Variants in GASK1B observed in about 807,000 individuals in gnomAD.
GASK1B encodes the protein Golgi-associated kinase 1B.
Under a neutral mutation model 42.8 loss-of-function variants are expected in GASK1B, and 34 were observed. The observed-to-expected ratio is 0.79, with a 90% CI of 0.60 to 1.06. The LOEUF (loss-of-function observed/expected upper bound fraction) is 1.06. GASK1B is among the 50% of genes least tolerant of loss of function. The pLI is 0.00. For synonymous variants in GASK1B, 262 were observed against 259.1 expected (o/e 1.01, Z -0.11); for missense variants, 686 against 661.0 (o/e 1.04, Z -0.42).
intron 3 of GASK1B, among the ~76,000 whole-genome samples, chr4:158,139,486 G>T (rs760916581): frequency 6.6e-6 from 1 of 152,072 alleles, no homozygotes; most frequent in Non-Finnish European, 1.5e-5. Context: ...TACCTTTGAA[G>T]TTACTAGATC....
intron 3 of GASK1B, 129 bp downstream of exon 3, chr4:158,155,482 T>C: frequency 2.5e-6 from 2 of 806,324 alleles, no homozygotes; most frequent in South Asian, 1.8e-5. Context: ...CACAATTACT[T>C]TTGCACCAAG....
At position 158,170,815 on chromosome 4, in the gene GASK1B, T is replaced by G. The variant is rs1440521474; in HGVS notation, c.561A>C (p.Gly187=). The change falls in exon 2 of 5, where the codon GGA becomes GGC. Residue 187 remains glycine, a synonymous_variant. Coordinates refer to ENST00000585682, the MANE Select transcript of GASK1B (RefSeq NM_001128424.2). ...GGAAGTCTGGGCCCCCGGCTCGCAC[T>G]CCCGGACCCCGCACCAACCTCCAGG... ...ERPWRLVRGP[G]VRAGGPDFLQ... 1 of 1,614,136 alleles carries G rather than the reference T, an allele frequency of 6.2e-7. No homozygotes were observed. The highest frequency in any genetic ancestry group is 1.3e-5 in the African/African-American group (1 of 75,052).
intron 3 of GASK1B, among the ~76,000 whole-genome samples, chr4:158,141,607 T>A (rs1731122269): frequency 8.0e-6 from 1 of 125,122 alleles, no homozygotes; most frequent in Admixed American, 7.9e-5. Context: ...CTTTTTTTTT[T>A]TTTTTTTTTT....
In GASK1B at chr4:158,170,659, G is replaced by A; in HGVS notation, c.717C>T (p.Ser239=). 1.2e-6 allele frequency: 2 copies of A among 1,614,050 alleles called. No homozygotes were observed. The highest frequency in any genetic ancestry group is 1.7e-6 in the Non-Finnish European group (2 of 1,180,040). Residue 239 remains serine (S), a synonymous_variant, in exon 2 of 5, where the codon TCC becomes TCT. Transcript: ENST00000585682. The stretch of plus-strand genomic sequence containing the variant: ...CCAGCAAACGGGCTCCGCTCCTAGA[G>A]GACACAGGCCGGAGCCCTGCCACTG... ...DSAVAGLRPV[S]SRSGARLLVL... is the part of the protein sequence containing the mutation.
intron 1 of GASK1B, chr4:158,172,154 TTC>T (rs543338035): frequency 1.5e-4 from 23 of 150,576 alleles, no homozygotes; most frequent in African/African-American, 2.4e-4. Flanking sequence ...TTTATTCTGT[TTC>T]TCTCTCTCTC....
rs766515312 is a variant in GASK1B, at chr4:158,170,629, C to CA, written c.746dup (p.Glu250GlyfsTer14). ...GCACAGCGCCAGGTGCGCCCCCCTC[C>CA]AGCACCAGCAAACGGGCTCCGCTCC... On this transcript the variant is annotated frameshift_variant, in exon 2 of 5. Transcript: ENST00000585682. LOFTEE classifies it high-confidence loss of function. 9.4e-5 allele frequency: 151 copies of CA among 1,613,708 alleles called. 1 individual carries two copies. The South Asian group carries it at 1.5e-3, about 17-fold the overall frequency.
At chr4:158,132,522 A>C (rs1297095089) in intron 3 of GASK1B, among the ~76,000 whole-genome samples, 1 of 152,174 alleles carries the variant, frequency 6.6e-6, no homozygotes, top group Non-Finnish European at 1.5e-5. Flanking sequence ...GGAAAATTGA[A>C]ATGGTTATTT....
chr4:158,158,609 G>T (rs1429595731), intron 2 of GASK1B, among the ~76,000 whole-genome samples: 2 of 151,836 alleles, frequency 1.3e-5, no homozygotes, highest in Non-Finnish European at 2.9e-5. Context: ...CAATAATCTA[G>T]CCCAGTGATC....
intron 2 of GASK1B, among the ~76,000 whole-genome samples, chr4:158,156,182 C>T (rs1731752546): frequency 6.6e-6 from 1 of 152,142 alleles, no homozygotes; most frequent in African/African-American, 2.4e-5. Flanking sequence ...AGAATCTAGA[C>T]ATTTATAATT....
rs1297543632 is a variant in GASK1B, at chr4:158,127,218, T to G, written c.*189A>C. 1 of 437,274 alleles carries G rather than the reference T, an allele frequency of 2.3e-6. No homozygotes were observed. The highest frequency in any genetic ancestry group is 3.5e-5 in the East Asian group (1 of 28,498). 27.1% of individuals were successfully genotyped at this position (437,274 alleles called of 1,614,324 possible). ...AACAAATATTTCTCAAGTAGTTTGTTTTTCAAAACCTTTTTAAGTATGCAT... is the reference window on the plus strand; with the variant it reads ...AACAAATATTTCTCAAGTAGTTTGTGTTTCAAAACCTTTTTAAGTATGCAT... On this transcript the variant is annotated 3_prime_UTR_variant, in exon 5 of 5. Transcript: ENST00000585682.
At chr4:158,148,053 T>A (rs545831607) in intron 3 of GASK1B, among the ~76,000 whole-genome samples, 1 of 150,670 alleles carries the variant, frequency 6.6e-6, no homozygotes, top group Admixed American at 6.6e-5. Flanking sequence ...TCTAAAAAAA[T>A]TTTTTGAATG....
chr4:158,155,820 G>A lies in GASK1B; in HGVS notation c.916C>T (p.Arg306Cys), dbSNP rs138441214. The A allele has an allele frequency of 1.6e-4, 261 of 1,613,344 alleles. No individual in the cohort carries two copies. The African/African-American group carries it at 2.7e-3, about 17-fold the overall frequency. The stretch of plus-strand genomic sequence containing the variant: ...TCCCAAAGAATGATGGGGCATGGGC[G>A]GCCATCTATAGAATCAGAAAAACAA... ...SRKAEFIQDG[R>C]PCPIILWDAS... The change falls in exon 3 of 5, where the codon CGC becomes TGC. Residue 306 changes from arginine to cysteine, a missense_variant. By Grantham distance (180) the Arg-to-Cys change is radical. Transcript: ENST00000585682.
At chr4:158,170,263 C>A (rs1732418053) in intron 2 of GASK1B, 1 of 1,614,200 alleles carries the variant, frequency 6.2e-7, no homozygotes, top group Non-Finnish European at 8.5e-7. Flanking sequence ...ATGTCCAATA[C>A]AGCATTTCCC....
At position 158,141,842 on chromosome 4, in the gene GASK1B, C is replaced by T. The variant is rs529209252; in HGVS notation, c.1126-10830G>A. Among the ~76,000 whole-genome samples the T allele has an allele frequency of 2.7e-5, 4 of 149,960 alleles. 1 individual carries two copies. In the South Asian group the frequency reaches 8.5e-4, roughly 32 times the overall value. Reference sequence around the variant, plus strand: ...CAGGATGGTTTCGATGTCCTGACCTCGTGATCAGCCCGCCTCGGCCTCCCA... The same window carrying T: ...CAGGATGGTTTCGATGTCCTGACCTTGTGATCAGCCCGCCTCGGCCTCCCA... On this transcript the variant is annotated intron_variant, in intron 3 of 4. Transcript: ENST00000585682.
rs954361641 is a variant in GASK1B, at chr4:158,139,217, T to G, written c.1126-8205A>C. On this transcript the variant is annotated intron_variant, in intron 3 of 4. Transcript: ENST00000585682. Reference sequence around the variant, plus strand: ...AGAAAAGACAAAGTTCTTGCTTTCATGAAGATTACAACTTAATGCCTCTAA... The same window carrying G: ...AGAAAAGACAAAGTTCTTGCTTTCAGGAAGATTACAACTTAATGCCTCTAA... Among the ~76,000 whole-genome samples the G allele has an allele frequency of 2.6e-5, 4 of 152,212 alleles. No individual in the cohort carries two copies. In the South Asian group the frequency reaches 8.3e-4, roughly 32 times the overall value.
intron 3 of GASK1B, among the ~76,000 whole-genome samples, chr4:158,131,595 A>C (rs1027271977): frequency 4.6e-5 from 7 of 152,236 alleles, no homozygotes; most frequent in African/African-American, 1.7e-4. Flanking sequence ...ACATATGAAC[A>C]AAATGGGCCT....
chr4:158,130,787 C>G lies in GASK1B; in HGVS notation c.1351G>C (p.Glu451Gln). 6.2e-7 allele frequency: 1 copy of G among 1,610,486 alleles called. No individual in the cohort carries two copies. Among genetic ancestry groups the G allele is most frequent in the East Asian group, 2.2e-5 (1 of 44,864 alleles). Residue 451 changes from glutamate to glutamine, a missense_variant and splice_region_variant, in exon 4 of 5, where the codon GAG (glutamate) becomes CAG (glutamine). Transcript: ENST00000585682. ...LNFKLLEGIKEFPASAVSVLK... is the reference protein window; with the variant it reads ...LNFKLLEGIKQFPASAVSVLK... ...TGCAGATGTTACTATAAAACTTACT[C>G]TTTGATGCCTTCTAACAATTTGAAG...
At chr4:158,149,155 CTATTTTATGGCAAAGT>C (rs1731445140) in intron 3 of GASK1B, among the ~76,000 whole-genome samples, 1 of 152,200 alleles carries the variant, frequency 6.6e-6, no homozygotes, top group East Asian at 1.9e-4. Context: ...TCTTCCTCCA[CTATTTTATGGCAAAGT>C]GCTCTTCTCT....
Position 158,171,284 on chromosome 4 carries a change from C to T in GASK1B, c.92G>A (p.Arg31His), listed in dbSNP as rs751889209. 3.1e-6 allele frequency: 5 copies of T among 1,613,608 alleles called. No homozygotes were observed. The highest frequency in any genetic ancestry group is 1.7e-5 in the Admixed American group (1 of 59,996). The change falls in exon 2 of 5, where the codon CGT (arginine) becomes CAT (histidine). Residue 31 changes from arginine (R) to histidine (H), a missense_variant. Physicochemically the swap from Arg to His is conservative, Grantham distance 29. Transcript: ENST00000585682. ...PRVRKLWSSRRPRTRRNLLLG... is the reference protein window; with the variant it reads ...PRVRKLWSSRHPRTRRNLLLG... ...CAGAAGGTTTCTCCGGGTCCTTGGA[C>T]GCCGGCTGCTCCAGAGCTTACGCAC... is the stretch of plus-strand genomic sequence containing the variant.
Sources: gnomAD v4.1 joint callset for allele counts (sites outside exome capture counted in the v4.1 genomes callset) on GRCh38, gnomAD v4.1.1 for gene constraint, MANE v1.5 for transcripts, NCBI Gene and HGNC (gene_info 2026-07-23, HGNC 2026-07-21) for gene names.